The following SUPT16H variants were observed in gnomAD, a reference collection of about 807,000 sequenced individuals.
SUPT16H encodes SPT16 homolog, facilitates chromatin remodeling subunit, also known as FACT complex subunit SPT16.
SUPT16H carries 24 observed loss-of-function variants against 136.2 expected under a neutral mutation model. The ratio of observed to expected loss-of-function variants is 0.18; its 90% confidence interval spans 0.13 to 0.25. The LOEUF is 0.25. SUPT16H is among the 10% of genes least tolerant of loss of function. The pLI is 1.00. For synonymous variants in SUPT16H, 415 were observed against 428.2 expected (o/e 0.97, Z 0.38); for missense variants, 623 against 1,270.2 (o/e 0.49, Z 7.74).
intron 5 of SUPT16H, 62 bp from the exon 6 acceptor site, chr14:21,369,417 A>G: frequency 1.3e-6 from 2 of 1,593,940 alleles, no homozygotes; most frequent in Non-Finnish European, 1.7e-6. Flanking sequence ...GGGTGTGTGG[A>G]CACTATGATT....
At chr14:21,357,634 T>TTAAAAAA (rs960508373) in intron 21 of SUPT16H, among the ~76,000 whole-genome samples, 1 of 151,798 alleles carries the variant, frequency 6.6e-6, no homozygotes, top group Non-Finnish European at 1.5e-5. Flanking sequence ...AGACATTATC[T>TTAAAAAA]TAAAAAATAA....
rs757682247 is a variant in SUPT16H at position 21,352,826 on chromosome 14, G to C, written c.2999-8C>G. 2 of 1,614,048 alleles carry C rather than the reference G, an allele frequency of 1.2e-6. No individual in the cohort carries two copies. The highest frequency in any genetic ancestry group is 3.3e-5 in the Admixed American group (2 of 60,004). On this transcript the variant is annotated splice_region_variant and splice_polypyrimidine_tract_variant and intron_variant, in intron 25 of 25. Coordinates refer to ENST00000216297, the MANE Select transcript of SUPT16H (RefSeq NM_007192.4). ...AACGACTTTCTCGGTCCGCTAAATA[G>C]AAGAGGCATTATTAGTTAGCAATAG...
intron 2 of SUPT16H, among the ~76,000 whole-genome samples, chr14:21,372,955 A>G (rs933572329): frequency 1.3e-5 from 2 of 152,156 alleles, no homozygotes; most frequent in African/African-American, 4.8e-5. Flanking sequence ...GAAATTTTTT[A>G]AAGTAAGAGA....
At position 21,352,725 on chromosome 14, in the gene SUPT16H, G is replaced by C; in HGVS notation, c.3092C>G (p.Ser1031Cys). 1.2e-6 allele frequency: 2 copies of C among 1,614,170 alleles called. No homozygotes were observed. Among genetic ancestry groups the C allele is most frequent in the Middle Eastern group, 1.6e-4 (1 of 6,062 alleles). ...KASVHSSGRGSNRGSRHSSAP... is the reference protein window; with the variant it reads ...KASVHSSGRGCNRGSRHSSAP... ...AGAGCTGTGTCTGGAACCACGGTTA[G>C]AGCCACGGCCCGAACTGTGCACAGA... Residue 1031 changes from serine (S) to cysteine (C), a missense_variant, in exon 26 of 26, where the codon TCT becomes TGT. By Grantham distance (112) the Ser-to-Cys change is moderately radical. This residue lies in a region of SUPT16H where 88 missense variants were observed against 135.5 expected (regional missense o/e 0.65). Coordinates refer to ENST00000216297, the MANE Select transcript of SUPT16H (RefSeq NM_007192.4).
chr14:21,373,920 G>A (rs957533677), intron 1 of SUPT16H, among the ~76,000 whole-genome samples: 4 of 152,046 alleles, frequency 2.6e-5, no homozygotes, highest in African/African-American at 7.2e-5. Context: ...TAGAGACAGG[G>A]TTTCACTATG....
chr14:21,363,529 A>C, intron 10 of SUPT16H, 26 bp from the exon 11 acceptor site: 1 of 1,604,246 alleles, frequency 6.2e-7, no homozygotes, highest in East Asian at 2.2e-5. Context: ...GAATGAAGAC[A>C]CATTATTTAA....
chr14:21,368,409 G>A lies in SUPT16H; in HGVS notation c.815C>T (p.Thr272Ile). The change falls in exon 7 of 26, where the codon ACT (threonine) becomes ATT (isoleucine). Residue 272 changes from threonine to isoleucine, a missense_variant. Physicochemically the swap from Thr to Ile is moderately conservative, Grantham distance 89. Coordinates refer to ENST00000216297, the MANE Select transcript of SUPT16H (RefSeq NM_007192.4). ...DKNHMHFGAI[T>I]CAMGIRFKSY... ...CTTGAAGCGAATACCCATGGCACAA[G>A]TGATAGCCCCAAAGTGCATATGATT... 6.2e-7 allele frequency: 1 copy of A among 1,613,716 alleles called. No individual in the cohort carries two copies. Among genetic ancestry groups the A allele is most frequent in the East Asian group, 2.2e-5 (1 of 44,874 alleles).
chr14:21,380,680 A>G (rs1033620323), intron 1 of SUPT16H, among the ~76,000 whole-genome samples: 2 of 152,076 alleles, frequency 1.3e-5, no homozygotes, highest in African/African-American at 4.8e-5. Context: ...CTGAAAACAA[A>G]TATTTTTGAC....
At chr14:21,380,204 C>T (rs1333409942) in intron 1 of SUPT16H, among the ~76,000 whole-genome samples, 1 of 151,304 alleles carries the variant, frequency 6.6e-6, no homozygotes, top group Non-Finnish European at 1.5e-5. Context: ...TGCAAATATG[C>T]CATTTTGTTA....
chr14:21,382,915 G>A (rs1387536045), intron 1 of SUPT16H: 2 of 152,068 alleles, frequency 1.3e-5, no homozygotes, highest in Admixed American at 6.5e-5. Flanking sequence ...TTTAGTAGAT[G>A]ACCAGTTTGA....
chr14:21,369,894 T>G lies in SUPT16H; in HGVS notation c.486A>C (p.Ile162=), dbSNP rs45500696. 3.7e-6 allele frequency: 6 copies of G among 1,613,300 alleles called. No individual in the cohort carries two copies. Among genetic ancestry groups the G allele is most frequent in the Non-Finnish European group, 5.1e-6 (6 of 1,179,518 alleles). The change falls in exon 5 of 26, where the codon ATA becomes ATC. Residue 162 remains isoleucine (I), a splice_region_variant and synonymous_variant. Transcript: ENST00000216297. ...TATATGCCACAACTGCACTGATATC[T>G]ATCTGCAGTCAAAGTGACAAGAGTT... is the stretch of plus-strand genomic sequence containing the variant. ...DCLNKEGFDK[I]DISAVVAYTI...
At chr14:21,370,959 T>G (rs1373989557) in intron 3 of SUPT16H, among the ~76,000 whole-genome samples, 2 of 152,004 alleles carry the variant, frequency 1.3e-5, no homozygotes, top group Non-Finnish European at 2.9e-5. Context: ...ATATTTTTAG[T>G]AGAGATGGGG....
chr14:21,372,044 T>G lies in SUPT16H; in HGVS notation c.160A>C (p.Thr54Pro). The G allele has an allele frequency of 6.2e-7, 1 of 1,608,840 alleles. No individual in the cohort carries two copies. Among genetic ancestry groups the G allele is most frequent in the Non-Finnish European group, 8.5e-7 (1 of 1,178,066 alleles). Residue 54 changes from threonine (T) to proline (P), a missense_variant and splice_region_variant, in exon 3 of 26, where the codon ACA becomes CCA. Around this residue, in one of 7 missense-constraint regions of SUPT16H, gnomAD observed 343 missense variants for 525.7 expected, o/e 0.65. Coordinates refer to ENST00000216297, the MANE Select transcript of SUPT16H (RefSeq NM_007192.4). ...GTTAGTTCATAACCAAAGAGCCATG[T>G]CTATGGAAAAAGACAACAGTGACAA... Reference protein sequence around the residue: ...IVYAKSTALQTWLFGYELTDT... With the variant: ...IVYAKSTALQPWLFGYELTDT...
intron 1 of SUPT16H, among the ~76,000 whole-genome samples, chr14:21,378,881 TTAAA>T (rs1168507566): frequency 2.6e-5 from 4 of 152,068 alleles, no homozygotes; most frequent in Non-Finnish European, 4.4e-5. Flanking sequence ...AAAGTGAGAG[TTAAA>T]TAAAATATAA....
chr14:21,358,735 T>C (rs1431079187), intron 19 of SUPT16H, among the ~76,000 whole-genome samples: 1 of 152,252 alleles, frequency 6.6e-6, no homozygotes, highest in Non-Finnish European at 1.5e-5. Context: ...AACCTAAGCC[T>C]AAACTCTTGT....
Position 21,366,492 on chromosome 14 carries a change from G to A in SUPT16H, c.993C>T (p.Asp331=), listed in dbSNP as rs779264792. 4.3e-6 allele frequency: 7 copies of A among 1,613,944 alleles called. No homozygotes were observed. Among genetic ancestry groups the A allele is most frequent in the South Asian group, 1.1e-5 (1 of 91,052 alleles). ...GTTCTGGCTTCTGCTTTTTAACCAC[G>A]TCCATGACAGCGTTATACACGTCAC... ...KICDVYNAVM[D]VVKKQKPELL... Residue 331 remains aspartate, a synonymous_variant, in exon 8 of 26, where the codon GAC becomes GAT. Transcript: ENST00000216297.
chr14:21,375,305 A>G (rs1886877504), intron 1 of SUPT16H, among the ~76,000 whole-genome samples: 1 of 152,060 alleles, frequency 6.6e-6, no homozygotes, highest in Admixed American at 6.6e-5. Flanking sequence ...ATGAGCCACC[A>G]CGCCCGGCCC....
intron 22 of SUPT16H, among the ~76,000 whole-genome samples, chr14:21,355,520 A>T (rs886071308): frequency 0.022 from 3,307 of 147,706 alleles, 33 homozygotes; most frequent in African/African-American, 0.029. Flanking sequence ...TAATAAAAAA[A>T]AAAAAAAAAA....
intron 23 of SUPT16H, among the ~76,000 whole-genome samples, chr14:21,354,201 A>G (rs1253387895): frequency 6.6e-6 from 1 of 152,226 alleles, no homozygotes. Flanking sequence ...TCATTGAGGA[A>G]AAGTTTTTGT....
Sources: allele counts gnomAD v4.1 joint callset (sites outside exome capture counted in the v4.1 genomes callset), GRCh38; gene constraint gnomAD v4.1.1; regional missense constraint gnomAD v4.1.1; transcripts MANE v1.5; gene names NCBI Gene and HGNC (gene_info 2026-07-23, HGNC 2026-07-21).